NXPH3: variants seen among roughly 807,000 people sequenced by gnomAD.
The protein encoded by NXPH3 is neurexophilin 3, also known as neurexophilin-3.
Under a neutral mutation model 18.8 loss-of-function variants are expected in NXPH3, and 7 were observed. That is an observed-to-expected ratio of 0.37 (90% CI 0.21 to 0.70). NXPH3 has a LOEUF of 0.70. Ranked by LOEUF, NXPH3 falls within the 30% of genes least tolerant of loss-of-function variation. The pLI is 0.53. For synonymous variants in NXPH3, 101 were observed against 137.3 expected (o/e 0.74, Z 1.85); for missense variants, 282 against 338.1 (o/e 0.83, Z 1.30).
Position 49,576,204 on chromosome 17 carries a change from A to G in NXPH3, c.-16A>G. ...AAGAGAAGGGGAGAGCGAGGGGACG[A>G]GAGCGGAGGAGGAAGATGCAACTGA... On this transcript the variant is annotated 5_prime_UTR_variant, in exon 1 of 2. Transcript: ENST00000328741. 6.4e-7 allele frequency: 1 copy of G among 1,562,622 alleles called. No homozygotes were observed. The highest frequency in any genetic ancestry group is 8.7e-7 in the Non-Finnish European group (1 of 1,153,516).
rs2071612379 is a variant in NXPH3 at position 49,583,742 on chromosome 17, T to C, written c.*4442T>C. ...ATGACATAATTTCCCAGAGCCTCCT[T>C]AGATAAAAAACTAGGGCTTTGCTTA... On this transcript the variant is annotated 3_prime_UTR_variant, in exon 2 of 2. Coordinates refer to ENST00000328741, the MANE Select transcript of NXPH3 (RefSeq NM_007225.4). The C allele has an allele frequency of 6.6e-6, 1 of 152,218 alleles. No individual in the cohort carries two copies. Among genetic ancestry groups the C allele is most frequent in the South Asian group, 2.1e-4 (1 of 4,832 alleles). The allele number at this position is 152,218 out of a possible 1,614,324, so 9.4% of individuals were successfully genotyped here. A position where few individuals can be genotyped will look rare whatever the true frequency, so the allele number is the denominator to read the frequency against.
intron 1 of NXPH3, among the ~76,000 whole-genome samples, chr17:49,577,357 C>A (rs1421512304): frequency 6.6e-6 from 1 of 152,180 alleles, no homozygotes; most frequent in Non-Finnish European, 1.5e-5. Flanking sequence ...ACTGTCCCCA[C>A]CCCAGTGTCA....
Position 49,581,763 on chromosome 17 carries a change from C to T in NXPH3, c.*2463C>T. 1.4e-6 allele frequency: 1 copy of T among 701,954 alleles called. No homozygotes were observed. The highest frequency in any genetic ancestry group is 2.7e-5 in the East Asian group (1 of 37,278). 43.5% of individuals were successfully genotyped at this position (701,954 alleles called of 1,614,324 possible). Reference sequence around the variant, plus strand: ...CAATGGGGCCAGAGGCCCTGGGCGCCCTCCCCACCTCCCCTGGCTGAACTC... The same window carrying T: ...CAATGGGGCCAGAGGCCCTGGGCGCTCTCCCCACCTCCCCTGGCTGAACTC... On this transcript the variant is annotated 3_prime_UTR_variant, in exon 2 of 2. Coordinates refer to ENST00000328741, the MANE Select transcript of NXPH3 (RefSeq NM_007225.4).
intron 1 of NXPH3, 75 bp downstream of exon 1, chr17:49,576,348 G>A: frequency 3.4e-6 from 5 of 1,491,454 alleles, no homozygotes; most frequent in Non-Finnish European, 4.6e-6. Context: ...AAGCTTGCGA[G>A]CCCTGAAACT....
At chr17:49,576,302 G>A in intron 1 of NXPH3, 29 bp downstream of exon 1, 1 of 1,556,662 alleles carries the variant, frequency 6.4e-7, no homozygotes. Context: ...GCTGCGCAGA[G>A]GGGCGGGGGC....
In NXPH3 at chr17:49,576,224, A is replaced by G; in HGVS notation, c.5A>G (p.Gln2Arg). 1 of 1,567,684 alleles carries G rather than the reference A, an allele frequency of 6.4e-7. No individual in the cohort carries two copies. The highest frequency in any genetic ancestry group is 8.6e-7 in the Non-Finnish European group (1 of 1,156,378). The change falls in exon 1 of 2, where the codon CAA becomes CGA. Residue 2 changes from glutamine (Q) to arginine (R), a missense_variant. Coordinates refer to ENST00000328741, the MANE Select transcript of NXPH3 (RefSeq NM_007225.4). ...GGACGAGAGCGGAGGAGGAAGATGCAACTGACTCGCTGCTGCTTCGTGTTC... is the reference window on the plus strand; with the variant it reads ...GGACGAGAGCGGAGGAGGAAGATGCGACTGACTCGCTGCTGCTTCGTGTTC... M[Q>R]LTRCCFVFLV... is the part of the protein sequence containing the mutation.
rs1440523314 is a variant in NXPH3, at chr17:49,583,736, C to T, written c.*4436C>T. On this transcript the variant is annotated 3_prime_UTR_variant, in exon 2 of 2. Transcript: ENST00000328741. ...GGACAAATGACATAATTTCCCAGAG[C>T]CTCCTTAGATAAAAAACTAGGGCTT... 1 of 152,178 alleles carries T rather than the reference C, an allele frequency of 6.6e-6. No homozygotes were observed. The highest frequency in any genetic ancestry group is 1.5e-5 in the Non-Finnish European group (1 of 68,038). 9.4% of individuals were successfully genotyped at this position (152,178 alleles called of 1,614,324 possible). A position where few individuals can be genotyped will look rare whatever the true frequency, so the allele number is the denominator to read the frequency against.
intron 1 of NXPH3, among the ~76,000 whole-genome samples, chr17:49,577,382 T>C (rs534726894): frequency 3.9e-5 from 6 of 152,252 alleles, no homozygotes; most frequent in African/African-American, 1.4e-4. Flanking sequence ...CAAATCCAGA[T>C]GCCCCCCGGT....
chr17:49,576,246 G>A lies in NXPH3; in HGVS notation c.27G>A (p.Val9=). The change falls in exon 1 of 2, where the codon GTG becomes GTA. Residue 9 remains valine (V), a synonymous_variant. Coordinates refer to ENST00000328741, the MANE Select transcript of NXPH3 (RefSeq NM_007225.4). ...TGCAACTGACTCGCTGCTGCTTCGT[G>A]TTCCTGGTGCAGGGTAGCCTCTATC... is the stretch of plus-strand genomic sequence containing the variant. MQLTRCCF[V]FLVQGSLYLV... is the part of the protein sequence containing the mutation. The A allele has an allele frequency of 6.4e-7, 1 of 1,569,384 alleles. No homozygotes were observed.
chr17:49,581,533 C>G lies in NXPH3; in HGVS notation c.*2233C>G, dbSNP rs1300372090. On this transcript the variant is annotated 3_prime_UTR_variant, in exon 2 of 2. Transcript: ENST00000328741. Reference sequence around the variant, plus strand: ...TACAGCCCACCTTGTAGGAAATGACCCAGCTTGTTTCCCCCACATCATGCT... The same window carrying G: ...TACAGCCCACCTTGTAGGAAATGACGCAGCTTGTTTCCCCCACATCATGCT... 1.5e-6 allele frequency: 1 copy of G among 662,452 alleles called. No individual in the cohort carries two copies. The highest frequency in any genetic ancestry group is 1.8e-5 in the African/African-American group (1 of 56,604). The allele number at this position is 662,452 out of a possible 1,614,324, so 41.0% of individuals were successfully genotyped here. A position where few individuals can be genotyped will look rare whatever the true frequency, so the allele number is the denominator to read the frequency against.
In NXPH3 at chr17:49,581,876, C is replaced by A; in HGVS notation, c.*2576C>A. The A allele has an allele frequency of 1.5e-6, 1 of 669,552 alleles. No homozygotes were observed. The highest frequency in any genetic ancestry group is 2.7e-6 in the Non-Finnish European group (1 of 371,168). The allele number at this position is 669,552 out of a possible 1,614,324, so 41.5% of individuals were successfully genotyped here. On this transcript the variant is annotated 3_prime_UTR_variant, in exon 2 of 2. Coordinates refer to ENST00000328741, the MANE Select transcript of NXPH3 (RefSeq NM_007225.4). ...TGCTGGCGACAGCTGGAGGGCCCGG[C>A]CTTCCTGGCACACAGTTCTGCCTGC...
In NXPH3 at chr17:49,578,464, C is replaced by T; in HGVS notation, c.55-132C>T. The stretch of plus-strand genomic sequence containing the variant: ...GCTAGAGTGTACACTTGCCCCCCAG[C>T]TTCAGTGGGCAAGACGCAGGAGCTC... On this transcript the variant is annotated intron_variant, in intron 1 of 1. Coordinates refer to ENST00000328741, the MANE Select transcript of NXPH3 (RefSeq NM_007225.4). The surrounding 1 kb of genome is among the most constrained non-coding windows in gnomAD (Gnocchi z 4.5). 1 of 698,210 alleles carries T rather than the reference C, an allele frequency of 1.4e-6. No individual in the cohort carries two copies. The highest frequency in any genetic ancestry group is 2.4e-6 in the Non-Finnish European group (1 of 419,350). 43.3% of individuals were successfully genotyped at this position (698,210 alleles called of 1,614,324 possible). A position where few individuals can be genotyped will look rare whatever the true frequency, so the allele number is the denominator to read the frequency against.
intron 1 of NXPH3, among the ~76,000 whole-genome samples, chr17:49,577,019 C>T (rs1429097736): frequency 1.3e-5 from 2 of 152,162 alleles, no homozygotes; most frequent in African/African-American, 4.8e-5. Flanking sequence ...GAAGCCTCAG[C>T]CCCACATCTG....
rs1233230008 is a variant in NXPH3 at position 49,582,585 on chromosome 17, G to A, written c.*3285G>A. The A allele has an allele frequency of 6.6e-6, 1 of 152,340 alleles. No individual in the cohort carries two copies. The highest frequency in any genetic ancestry group is 1.9e-4 in the East Asian group (1 of 5,198). 9.4% of individuals were successfully genotyped at this position (152,340 alleles called of 1,614,324 possible). The stretch of plus-strand genomic sequence containing the variant: ...CTCATCAGACTGAGGACACCCTGAT[G>A]TCAGGGGCTGGATGGCCCCTTAGAC... On this transcript the variant is annotated 3_prime_UTR_variant, in exon 2 of 2. Transcript: ENST00000328741.
In NXPH3 at chr17:49,580,525, C is replaced by G. The variant is rs2071595264; in HGVS notation, c.*1225C>G. 1 of 152,256 alleles carries G rather than the reference C, an allele frequency of 6.6e-6. No individual in the cohort carries two copies. The highest frequency in any genetic ancestry group is 2.4e-5 in the African/African-American group (1 of 41,450). The allele number at this position is 152,256 out of a possible 1,614,324, so 9.4% of individuals were successfully genotyped here. A position where few individuals can be genotyped will look rare whatever the true frequency, so the allele number is the denominator to read the frequency against. ...AGGGCTTCCCTCTCCAGCCCCGGTTCCAAGCTGTCTGATCCCCCACGAGGA... is the reference window on the plus strand; with the variant it reads ...AGGGCTTCCCTCTCCAGCCCCGGTTGCAAGCTGTCTGATCCCCCACGAGGA... On this transcript the variant is annotated 3_prime_UTR_variant, in exon 2 of 2. Transcript: ENST00000328741.
rs878871773 is a variant in NXPH3, at chr17:49,579,339, G to T, written c.*39G>T. The T allele has an allele frequency of 2.0e-6, 3 of 1,531,132 alleles. No homozygotes were observed. In the South Asian group the frequency reaches 3.5e-5, roughly 18 times the overall value. 94.8% of individuals were successfully genotyped at this position (1,531,132 alleles called of 1,614,324 possible). A position where few individuals can be genotyped will look rare whatever the true frequency, so the allele number is the denominator to read the frequency against. ...ACAGAGGCCAGGCCAGGGCTGGAAG[G>T]ACAGGCCTGCCCATGCAGGAGACCA... is the stretch of plus-strand genomic sequence containing the variant. On this transcript the variant is annotated 3_prime_UTR_variant, in exon 2 of 2. Coordinates refer to ENST00000328741, the MANE Select transcript of NXPH3 (RefSeq NM_007225.4). The surrounding 1 kb of genome is among the most constrained non-coding windows in gnomAD (Gnocchi z 6.0).
At position 49,576,087 on chromosome 17, in the gene NXPH3, C is replaced by T. The variant is rs548415781; in HGVS notation, c.-133C>T. ...GGGGCGGGGTCGGCCCTGGGCGACC[C>T]GCTGAGGGGAGGGCCGCGGGCCGCC... On this transcript the variant is annotated 5_prime_UTR_variant, in exon 1 of 2. Coordinates refer to ENST00000328741, the MANE Select transcript of NXPH3 (RefSeq NM_007225.4). 19 of 1,111,944 alleles carry T rather than the reference C, an allele frequency of 1.7e-5. No homozygotes were observed. The South Asian group carries it at 2.4e-4, about 14-fold the overall frequency. The allele number at this position is 1,111,944 out of a possible 1,614,324, so 68.9% of individuals were successfully genotyped here.
intron 1 of NXPH3, among the ~76,000 whole-genome samples, chr17:49,576,700 C>A (rs1285107321): frequency 6.6e-6 from 1 of 151,930 alleles, no homozygotes; most frequent in East Asian, 2.0e-4. Context: ...GAGCACAGAG[C>A]CGGTCCAGGC....
rs1221306407 is a variant in NXPH3, at chr17:49,582,368, G to A, written c.*3068G>A. The A allele has an allele frequency of 6.4e-6, 1 of 156,524 alleles. No homozygotes were observed. Among genetic ancestry groups the A allele is most frequent in the Non-Finnish European group, 1.4e-5 (1 of 71,058 alleles). 9.7% of individuals were successfully genotyped at this position (156,524 alleles called of 1,614,324 possible). A position where few individuals can be genotyped will look rare whatever the true frequency, so the allele number is the denominator to read the frequency against. ...ACTGCCCTTCAAGGCAGTCTGAAAT[G>A]CCCTCAGACCGTTTAGCGGTCCCGT... On this transcript the variant is annotated 3_prime_UTR_variant, in exon 2 of 2. Transcript: ENST00000328741.
Sources: allele counts gnomAD v4.1 joint callset (sites outside exome capture counted in the v4.1 genomes callset), GRCh38; gene constraint gnomAD v4.1.1; non-coding constraint Gnocchi (gnomAD v3.1); transcripts MANE v1.5; gene names NCBI Gene and HGNC (gene_info 2026-07-23, HGNC 2026-07-21).